Variants in CFAP46 observed in about 807,000 individuals in gnomAD.
CFAP46 encodes cilia- and flagella-associated protein 46.
CFAP46 carries 245 observed loss-of-function variants against 325.7 expected under a neutral mutation model. That is an observed-to-expected ratio of 0.75 (90% CI 0.68 to 0.84). The LOEUF is 0.84. Ranked by LOEUF, CFAP46 falls within the 40% of genes least tolerant of loss-of-function variation. The pLI is 0.00. For synonymous variants in CFAP46, 1,523 were observed against 1,495.9 expected (o/e 1.02, Z -0.42); for missense variants, 3,346 against 3,543.0 (o/e 0.94, Z 1.41).
At position 132,832,158 on chromosome 10, in the gene CFAP46, A is replaced by G. The variant is rs2134984998; in HGVS notation, c.7117+1200T>C. On this transcript the variant is annotated intron_variant, in intron 50 of 57. Coordinates refer to ENST00000368586, the MANE Select transcript of CFAP46 (RefSeq NM_001200049.3). The surrounding 1 kb of genome is among the most constrained non-coding windows in gnomAD (Gnocchi z 4.1). ...AATATTTTAAAGAGATTTTGAAAAT[A>G]AAGGCGTTTTAAGTATTTATCCGTG... Among the ~76,000 whole-genome samples, 1 of 152,362 alleles carries G rather than the reference A, an allele frequency of 6.6e-6. No homozygotes were observed. Among genetic ancestry groups the G allele is most frequent in the East Asian group, 1.9e-4 (1 of 5,194 alleles).
intron 22 of CFAP46, among the ~76,000 whole-genome samples, chr10:132,900,611 T>C (rs1440082449): frequency 2.0e-5 from 3 of 152,248 alleles, no homozygotes; most frequent in East Asian, 3.8e-4. Context: ...CCCCTTGGCC[T>C]GCATGGGCCT....
rs544794564 is a variant in CFAP46 at position 132,832,392 on chromosome 10, C to G, written c.7117+966G>C. Among the ~76,000 whole-genome samples, 113 of 138,476 alleles carry G rather than the reference C, an allele frequency of 8.2e-4. 7 individuals carry two copies. Among genetic ancestry groups the G allele is most frequent in the African/African-American group, 2.8e-3 (104 of 37,044 alleles). 90.8% of individuals were successfully genotyped at this position (138,476 alleles called of 152,430 possible). ...GGAGACCCCTGGGCTCTTCCTGCCCCCCCCCCCCAATGCTGTGGCCTGGAA... is the reference window on the plus strand; with the variant it reads ...GGAGACCCCTGGGCTCTTCCTGCCCGCCCCCCCCAATGCTGTGGCCTGGAA... On this transcript the variant is annotated intron_variant, in intron 50 of 57. Transcript: ENST00000368586. The surrounding 1 kb of genome is among the most constrained non-coding windows in gnomAD (Gnocchi z 4.1).
At chr10:132,833,252 T>G in intron 50 of CFAP46, 106 bp downstream of exon 50, 1 of 1,145,386 alleles carries the variant, frequency 8.7e-7, no homozygotes, top group South Asian at 1.6e-5. Context: ...TGTTGCAACA[T>G]TTGATGATTA....
intron 19 of CFAP46, 142 bp from the exon 20 acceptor site, chr10:132,910,210 C>T: frequency 1.4e-6 from 1 of 735,482 alleles, no homozygotes; most frequent in Admixed American, 4.2e-5. Context: ...TCAGGCCCAC[C>T]AGCGGCTGCA....
chr10:132,832,779 G>A lies in CFAP46; in HGVS notation c.7117+579C>T, dbSNP rs765010235. On this transcript the variant is annotated intron_variant, in intron 50 of 57. Coordinates refer to ENST00000368586, the MANE Select transcript of CFAP46 (RefSeq NM_001200049.3). This position sits in a 1 kb window ranked among gnomAD's most constrained non-coding sequence, Gnocchi z 4.1. Reference sequence around the variant, plus strand: ...CCCAGCCGAGGTCAGGGCCTTCCGCGCGCTCCCTCGTGCTTTTCACTGTCT... The same window carrying A: ...CCCAGCCGAGGTCAGGGCCTTCCGCACGCTCCCTCGTGCTTTTCACTGTCT... 4.2e-5 allele frequency: 20 copies of A among 471,202 alleles called. No individual in the cohort carries two copies. Among genetic ancestry groups the A allele is most frequent in the Admixed American group, 1.2e-4 (5 of 42,564 alleles). 29.2% of individuals were successfully genotyped at this position (471,202 alleles called of 1,614,324 possible).
In CFAP46 at chr10:132,863,293, C is replaced by G. The variant is rs147503707; in HGVS notation, c.4891-2311G>C. ...ACTGGGCCTCTGCCCACCTCGGAGG[C>G]TTGACTCTTGCCCCGGGAGCTCCCA... On this transcript the variant is annotated intron_variant, in intron 35 of 57. Coordinates refer to ENST00000368586, the MANE Select transcript of CFAP46 (RefSeq NM_001200049.3). Among the ~76,000 whole-genome samples, 700 of 152,270 alleles carry G rather than the reference C, an allele frequency of 4.6e-3. 9 individuals are homozygous for G. Among genetic ancestry groups the G allele is most frequent in the African/African-American group, 0.015 (636 of 41,548 alleles).
In CFAP46 at chr10:132,859,146, A is replaced by G. The variant is rs1220850420; in HGVS notation, c.5300T>C (p.Ile1767Thr). 9 of 1,550,878 alleles carry G rather than the reference A, an allele frequency of 5.8e-6. No individual in the cohort carries two copies. Among genetic ancestry groups the G allele is most frequent in the Admixed American group, 3.9e-5 (2 of 51,006 alleles). The change falls in exon 38 of 58, where the codon ATT becomes ACT. Residue 1767 changes from isoleucine (I) to threonine (T), a missense_variant. Coordinates refer to ENST00000368586, the MANE Select transcript of CFAP46 (RefSeq NM_001200049.3). Reference sequence around the variant, plus strand: ...GCCACAGTCGATAAACTTTCTCTCAATTTCCAACAGGCCATCATCCATCTC... The same window carrying G: ...GCCACAGTCGATAAACTTTCTCTCAGTTTCCAACAGGCCATCATCCATCTC... ...LKEMDDGLLE[I>T]ERKFIDCGCK...
chr10:132,911,812 C>T (rs535400036), intron 19 of CFAP46, among the ~76,000 whole-genome samples: 7 of 152,220 alleles, frequency 4.6e-5, no homozygotes, highest in South Asian at 2.1e-4. Flanking sequence ...CCCTGTTTCT[C>T]GCCGTTCCAA....
chr10:132,924,611 G>T, intron 11 of CFAP46, 85 bp downstream of exon 11: 1 of 1,299,758 alleles, frequency 7.7e-7, no homozygotes, highest in Non-Finnish European at 1.0e-6. Context: ...GTCATGGCAA[G>T]GGGGCTTGGG....
chr10:132,811,936 C>T (rs1040711106), intron 55 of CFAP46, among the ~76,000 whole-genome samples: 6 of 152,228 alleles, frequency 3.9e-5, no homozygotes, highest in African/African-American at 1.4e-4. Flanking sequence ...GGGGGCACAG[C>T]AACTCCCGAG....
Position 132,886,036 on chromosome 10 carries a change from G to T in CFAP46, c.3305-77C>A, listed in dbSNP as rs921494245. The T allele has an allele frequency of 1.3e-6, 2 of 1,514,744 alleles. No individual in the cohort carries two copies. The highest frequency in any genetic ancestry group is 2.8e-5 in the African/African-American group (2 of 72,506). The allele number at this position is 1,514,744 out of a possible 1,614,324, so 93.8% of individuals were successfully genotyped here. A position where few individuals can be genotyped will look rare whatever the true frequency, so the allele number is the denominator to read the frequency against. On this transcript the variant is annotated intron_variant, in intron 25 of 57. Coordinates refer to ENST00000368586, the MANE Select transcript of CFAP46 (RefSeq NM_001200049.3). This position sits in a 1 kb window ranked among gnomAD's most constrained non-coding sequence, Gnocchi z 5.8. The stretch of plus-strand genomic sequence containing the variant: ...GGCGCCCTCGGACCTCCCAGACTAA[G>T]CTGCCCATCACAGTGCCCCTGAGGT...
rs1850118560 is a variant in CFAP46 at position 132,942,327 on chromosome 10, C to T, written c.49+109G>A. 13 of 1,017,614 alleles carry T rather than the reference C, an allele frequency of 1.3e-5. 1 individual carries two copies. The South Asian group carries it at 1.6e-4, about 13-fold the overall frequency. The allele number at this position is 1,017,614 out of a possible 1,614,324, so 63.0% of individuals were successfully genotyped here. On this transcript the variant is annotated intron_variant, in intron 1 of 57. Transcript: ENST00000368586. ...GCTCCGGCTGTGGCCCTCGAGGGAT[C>T]ACCCATTGGGCGGGCTGGGATGAGA... is the stretch of plus-strand genomic sequence containing the variant.
At chr10:132,927,755 T>G (rs1482311991) in intron 9 of CFAP46, among the ~76,000 whole-genome samples, 1 of 152,248 alleles carries the variant, frequency 6.6e-6, no homozygotes, top group African/African-American at 2.4e-5. Flanking sequence ...TGTATTACAG[T>G]GGATAGTCTT....
rs1847723376 is a variant in CFAP46, at chr10:132,817,867, G to A, written c.7118-2953C>T. Among the ~76,000 whole-genome samples, 1 of 152,250 alleles carries A rather than the reference G, an allele frequency of 6.6e-6. No homozygotes were observed. The highest frequency in any genetic ancestry group is 1.5e-5 in the Non-Finnish European group (1 of 68,044). On this transcript the variant is annotated intron_variant, in intron 50 of 57. Transcript: ENST00000368586. The surrounding 1 kb of genome is among the most constrained non-coding windows in gnomAD (Gnocchi z 4.4). The stretch of plus-strand genomic sequence containing the variant: ...CCGAATGGGGTCACTGGGTCACAGT[G>A]AACGGCGTCGGCCGCGCTCTGCCTG...
chr10:132,823,639 T>G (rs1400832966), intron 50 of CFAP46, among the ~76,000 whole-genome samples: 12 of 126,082 alleles, frequency 9.5e-5, no homozygotes, highest in Non-Finnish European at 1.7e-5. Context: ...GTGTGAGTGC[T>G]GATGTGTGCT....
At chr10:132,929,337 T>C (rs1410213523) in intron 9 of CFAP46, 2 of 611,388 alleles carry the variant, frequency 3.3e-6, no homozygotes, top group Non-Finnish European at 5.9e-6. Context: ...CTGCAGAAAG[T>C]GAACTGCGGG....
At chr10:132,912,579 C>CT (rs59161995) in intron 19 of CFAP46, 76 bp downstream of exon 19, 4,234 of 1,312,292 alleles carry the variant, frequency 3.2e-3, no homozygotes, top group Admixed American at 0.014. Context: ...TTTCACCTCT[C>CT]CTCTCCTCTC....
chr10:132,887,135 G>C (rs1265448979), intron 25 of CFAP46, among the ~76,000 whole-genome samples: 162 of 84,306 alleles, frequency 1.9e-3, no homozygotes, highest in South Asian at 4.4e-3. Context: ...CCTCTCCTCT[G>C]TCCTCTCTCA....
intron 35 of CFAP46, among the ~76,000 whole-genome samples, chr10:132,862,805 G>C (rs948438441): frequency 6.6e-6 from 1 of 151,618 alleles, no homozygotes; most frequent in African/African-American, 2.4e-5. Context: ...AGAGGCTGGA[G>C]GGGGACGGGG....
Sources: gnomAD v4.1 joint callset for allele counts (sites outside exome capture counted in the v4.1 genomes callset) on GRCh38, gnomAD v4.1.1 for gene constraint, Gnocchi (gnomAD v3.1) non-coding constraint, MANE v1.5 for transcripts, NCBI Gene and HGNC (gene_info 2026-07-23, HGNC 2026-07-21) for gene names.